FAM13B: variants seen among roughly 807,000 people sequenced by gnomAD.
The protein encoded by FAM13B is protein FAM13B.
FAM13B carries 60 observed loss-of-function variants against 117.3 expected under a neutral mutation model. The ratio of observed to expected loss-of-function variants is 0.51; its 90% CI spans 0.42 to 0.63. The LOEUF is 0.63. Ranked by LOEUF, FAM13B falls within the 30% of genes least tolerant of loss-of-function variation. The pLI, the probability that FAM13B is intolerant of heterozygous loss-of-function variation, is 0.00. For synonymous variants in FAM13B, 332 were observed against 356.1 expected, an observed-to-expected ratio of 0.93 and a Z score of 0.76; for missense variants, 972 against 1,091.9, an observed-to-expected ratio of 0.89 and a Z score of 1.55.
intron 7 of FAM13B, among the ~76,000 whole-genome samples, chr5:138,004,591 T>G (rs1782091069): frequency 6.6e-6 from 1 of 152,160 alleles, no homozygotes; most frequent in African/African-American, 2.4e-5. Context: ...TTTTAAAATT[T>G]TATTTAATTT....
At chr5:137,979,905 T>C (rs987223019) in intron 10 of FAM13B, among the ~76,000 whole-genome samples, 2 of 150,246 alleles carry the variant, frequency 1.3e-5, no homozygotes, top group Non-Finnish European at 2.9e-5. Flanking sequence ...CTCACGCCTA[T>C]AATCCCAGCA....
intron 4 of FAM13B, among the ~76,000 whole-genome samples, chr5:138,014,478 T>C (rs928764696): frequency 6.6e-6 from 1 of 152,252 alleles, no homozygotes; most frequent in Non-Finnish European, 1.5e-5. Context: ...TGATGCCTAA[T>C]GATCTGAGTT....
chr5:137,973,303 T>C (rs375349941), intron 10 of FAM13B, among the ~76,000 whole-genome samples: 7 of 152,040 alleles, frequency 4.6e-5, no homozygotes, highest in Admixed American at 1.3e-4. Flanking sequence ...GAAATAATGC[T>C]GCATATCTAC....
chr5:138,015,664 C>T (rs905758635), intron 4 of FAM13B, among the ~76,000 whole-genome samples: 1 of 152,188 alleles, frequency 6.6e-6, no homozygotes, highest in African/African-American at 2.4e-5. Flanking sequence ...GATGGTCCCA[C>T]TGCACTCCAG....
At chr5:137,968,136 C>T (rs993656034) in intron 10 of FAM13B, among the ~76,000 whole-genome samples, 28 of 149,988 alleles carry the variant, frequency 1.9e-4, no homozygotes, top group African/African-American at 6.4e-4. Context: ...GCAGGAGAAT[C>T]GCTTGAACCC....
chr5:138,035,855 T>C (rs1791105306), upstream of FAM13B, among the ~76,000 whole-genome samples: 1 of 152,194 alleles, frequency 6.6e-6, no homozygotes, highest in Non-Finnish European at 1.5e-5. Context: ...CTGGGCATGG[T>C]AGATGCTTAA....
At chr5:137,979,845 C>A (rs543917386) in intron 10 of FAM13B, among the ~76,000 whole-genome samples, 2 of 152,114 alleles carry the variant, frequency 1.3e-5, no homozygotes, top group African/African-American at 4.8e-5. Flanking sequence ...TGTGCATGTA[C>A]AACCTAGATT....
intron 9 of FAM13B, among the ~76,000 whole-genome samples, 190 bp from the exon 10 acceptor site, chr5:137,985,579 G>A (rs1466812288): frequency 6.6e-6 from 1 of 152,090 alleles, no homozygotes. Flanking sequence ...TGTCTCCTCG[G>A]GATGTTGTGA....
At chr5:137,951,987 G>GAAATAA (rs1419749520) in intron 17 of FAM13B, among the ~76,000 whole-genome samples, 2 of 151,878 alleles carry the variant, frequency 1.3e-5, no homozygotes. Context: ...GAAAAAATTA[G>GAAATAA]AAATAAAAAT....
chr5:138,023,143 G>T (rs1787231916), intron 1 of FAM13B, among the ~76,000 whole-genome samples: 1 of 152,110 alleles, frequency 6.6e-6, no homozygotes, highest in African/African-American at 2.4e-5. Context: ...TCTACTACCT[G>T]CAACCTCTAA....
intron 10 of FAM13B, among the ~76,000 whole-genome samples, chr5:137,966,459 T>TTATATATATATATA (rs373885448): frequency 2.2e-4 from 11 of 50,274 alleles, no homozygotes; most frequent in African/African-American, 5.4e-4. Flanking sequence ...GAAATAGATT[T>TTATATATATATATA]TATATATATA....
intron 1 of FAM13B, among the ~76,000 whole-genome samples, chr5:138,046,553 T>G (rs1445648328): frequency 6.6e-6 from 1 of 152,236 alleles, no homozygotes; most frequent in South Asian, 2.1e-4. Context: ...TATGTTTTCA[T>G]TTTGGAATTT....
At chr5:138,043,229 A>G (rs1791548103) in intron 1 of FAM13B, among the ~76,000 whole-genome samples, 1 of 152,010 alleles carries the variant, frequency 6.6e-6, no homozygotes, top group Non-Finnish European at 1.5e-5. Flanking sequence ...TTAGCCAGGC[A>G]TGGTAACACA....
intron 7 of FAM13B, among the ~76,000 whole-genome samples, chr5:137,997,476 T>A (rs181000297): frequency 0.025 from 3,770 of 149,710 alleles, 90 homozygotes; most frequent in African/African-American, 0.055. Flanking sequence ...TCTCAAAAAA[T>A]ATATATATAT....
intron 17 of FAM13B, among the ~76,000 whole-genome samples, chr5:137,951,876 C>T (rs919408404): frequency 6.6e-6 from 1 of 151,914 alleles, no homozygotes; most frequent in African/African-American, 2.4e-5. Context: ...ACTCGGGAGG[C>T]TAAGGCACAA....
intron 1 of FAM13B, among the ~76,000 whole-genome samples, chr5:138,041,063 C>CAAAAA (rs5871662): frequency 5.5e-4 from 38 of 69,280 alleles, no homozygotes; most frequent in South Asian, 1.1e-3. Context: ...GACTCCATCT[C>CAAAAA]AAAAAAAAAA....
chr5:137,978,474 T>C (rs188096582), intron 10 of FAM13B, among the ~76,000 whole-genome samples: 3 of 152,192 alleles, frequency 2.0e-5, no homozygotes, highest in Admixed American at 2.0e-4. Flanking sequence ...TGGGTATTCT[T>C]AAATTTTTTG....
chr5:137,945,608 C>T (rs543059399), intron 20 of FAM13B, among the ~76,000 whole-genome samples: 7 of 152,210 alleles, frequency 4.6e-5, no homozygotes, highest in Non-Finnish European at 1.0e-4. Context: ...ACATCACTCA[C>T]TGCCTAAGCC....
At chr5:137,993,413 G>T (rs753882765) in intron 7 of FAM13B, among the ~76,000 whole-genome samples, 3 of 152,066 alleles carry the variant, frequency 2.0e-5, no homozygotes, top group Non-Finnish European at 4.4e-5. Context: ...GATAACTTGA[G>T]GCCAGGAGTT....
Sources: gnomAD v4.1 joint callset for allele counts (sites outside exome capture counted in the v4.1 genomes callset) on GRCh38, gnomAD v4.1.1 for gene constraint, MANE v1.5 for transcripts, NCBI Gene and HGNC (gene_info 2026-07-23, HGNC 2026-07-21) for gene names.